DNM1: variants seen among roughly 807,000 people sequenced by gnomAD.
DNM1 encodes the protein dynamin-1.
DNM1 carries 29 observed loss-of-function variants against 104.6 expected under a neutral mutation model. The ratio of observed to expected loss-of-function variants is 0.28; its 90% CI spans 0.21 to 0.38. The LOEUF (loss-of-function observed/expected upper bound fraction) is 0.38. DNM1 is among the 10% of genes least tolerant of loss of function. The probability of loss-of-function intolerance (pLI) is 1.00; values close to 1 mark genes in which losing one functional copy is unlikely to be tolerated. For synonymous variants in DNM1, 445 were observed against 475.8 expected (o/e 0.94, Z 0.84); for missense variants, 640 against 1,189.4 (o/e 0.54, Z 6.79).
At chr9:128,233,846 G>T in intron 10 of DNM1, 175 bp from the exon 11 acceptor site, 1 of 607,138 alleles carries the variant, frequency 1.6e-6, no homozygotes, top group Non-Finnish European at 2.9e-6. Flanking sequence ...GGAAAGGGGT[G>T]GCCGTGGCTT....
In DNM1 at chr9:128,253,013, C is replaced by G; in HGVS notation, c.2535-1641C>G. 7.5e-7 allele frequency: 1 copy of G among 1,336,026 alleles called. No individual in the cohort carries two copies. Among genetic ancestry groups the G allele is most frequent in the Non-Finnish European group, 1.1e-6 (1 of 934,466 alleles). 82.8% of individuals were successfully genotyped at this position (1,336,026 alleles called of 1,614,324 possible). The stretch of plus-strand genomic sequence containing the variant: ...GCCTCACAGCATGTGTGTGCACGCC[C>G]GGGCGTGTGCGTGTGTGTGTCCCCC... On this transcript the variant is annotated intron_variant, in intron 21 of 21. Transcript: ENST00000372923. This position sits in a 1 kb window ranked among gnomAD's most constrained non-coding sequence, Gnocchi z 5.9.
Position 128,240,359 on chromosome 9 carries a change from A to T in DNM1, c.1557+363A>T. On this transcript the variant is annotated intron_variant, in intron 14 of 21. Coordinates refer to ENST00000372923, the MANE Select transcript of DNM1 (RefSeq NM_004408.4). This position sits in a 1 kb window ranked among gnomAD's most constrained non-coding sequence, Gnocchi z 5.1. ...CCATCGCCTCCGGACTTGAATGAAG[A>T]GACGAATGAGAAGTCAAGAGAAGTC... is the stretch of plus-strand genomic sequence containing the variant. 1 of 279,274 alleles carries T rather than the reference A, an allele frequency of 3.6e-6. No homozygotes were observed. 17.3% of individuals were successfully genotyped at this position (279,274 alleles called of 1,614,324 possible). A position where few individuals can be genotyped will look rare whatever the true frequency, so the allele number is the denominator to read the frequency against.
At chr9:128,207,337 C>T (rs1478592164) in intron 1 of DNM1, among the ~76,000 whole-genome samples, 1 of 151,862 alleles carries the variant, frequency 6.6e-6, no homozygotes, top group Non-Finnish European at 1.5e-5. Context: ...GGATTTAAAC[C>T]CGAGAGTAGA....
intron 10 of DNM1, among the ~76,000 whole-genome samples, chr9:128,233,230 G>T (rs74832521): frequency 6.6e-6 from 1 of 152,202 alleles, no homozygotes; most frequent in African/African-American, 2.4e-5. Context: ...GAGTGGGGTC[G>T]AGACAGTGTG....
intron 1 of DNM1, among the ~76,000 whole-genome samples, chr9:128,210,139 G>A (rs913995548): frequency 2.0e-5 from 3 of 151,344 alleles, no homozygotes; most frequent in South Asian, 2.1e-4. Context: ...TTGACCTCCC[G>A]GGCTCAAGCC....
Position 128,245,246 on chromosome 9 carries a change from T to C in DNM1, c.1672-1148T>C, listed in dbSNP as rs1280816320. On this transcript the variant is annotated intron_variant, in intron 15 of 21. Coordinates refer to ENST00000372923, the MANE Select transcript of DNM1 (RefSeq NM_004408.4). This position sits in a 1 kb window ranked among gnomAD's most constrained non-coding sequence, Gnocchi z 5.2. The stretch of plus-strand genomic sequence containing the variant: ...TGGCATAAAGAGGGCTTTATGTGGC[T>C]GCATGGGCCAGGGGGGCGTTGGGGG... Among the ~76,000 whole-genome samples, 1 of 150,108 alleles carries C rather than the reference T, an allele frequency of 6.7e-6. No homozygotes were observed. Among genetic ancestry groups the C allele is most frequent in the Admixed American group, 6.6e-5 (1 of 15,152 alleles).
Position 128,207,289 on chromosome 9 carries a change from C to G in DNM1, c.161+3658C>G, listed in dbSNP as rs558124662. Reference sequence around the variant, plus strand: ...GTTGAGAGCTCAGGGGGAAGACGGGCTGGAAGTAAAAATTTGGAAGTCGTT... The same window carrying G: ...GTTGAGAGCTCAGGGGGAAGACGGGGTGGAAGTAAAAATTTGGAAGTCGTT... On this transcript the variant is annotated intron_variant, in intron 1 of 21. Coordinates refer to ENST00000372923, the MANE Select transcript of DNM1 (RefSeq NM_004408.4). Among the ~76,000 whole-genome samples, 21 of 151,986 alleles carry G rather than the reference C, an allele frequency of 1.4e-4. No homozygotes were observed. In the East Asian group the frequency reaches 4.1e-3, roughly 29 times the overall value.
At chr9:128,231,194 C>CTTTTTT (rs72047067) in intron 10 of DNM1, among the ~76,000 whole-genome samples, 26 of 68,500 alleles carry the variant, frequency 3.8e-4, no homozygotes, top group South Asian at 1.4e-3. Flanking sequence ...ATACTTTTGC[C>CTTTTTT]TTTTTTTTTT....
At chr9:128,213,891 C>A (rs1834453249) in intron 1 of DNM1, among the ~76,000 whole-genome samples, 1 of 152,118 alleles carries the variant, frequency 6.6e-6, no homozygotes, top group African/African-American at 2.4e-5. Flanking sequence ...CAGACCTCAG[C>A]TTGAAATTCA....
chr9:128,237,877 C>T lies in DNM1; in HGVS notation c.1423-1568C>T, dbSNP rs559796549. Among the ~76,000 whole-genome samples the T allele has an allele frequency of 3.3e-5, 5 of 151,828 alleles. No individual in the cohort carries two copies. In the South Asian group the frequency reaches 1.0e-3, roughly 32 times the overall value. ...CAACCTCTGCATCCCTGGGCTCAAG[C>T]GATCCTCCCATCTTAGCTTCCCAAG... On this transcript the variant is annotated intron_variant, in intron 11 of 21. Coordinates refer to ENST00000372923, the MANE Select transcript of DNM1 (RefSeq NM_004408.4).
At chr9:128,242,467 A>G in intron 15 of DNM1, 122 bp downstream of exon 15, 1 of 602,174 alleles carries the variant, frequency 1.7e-6, no homozygotes, top group South Asian at 2.1e-5. Context: ...CTCGTCAAAG[A>G]TCCGTGGGCA....
chr9:128,252,735 C>G (rs573749343), intron 21 of DNM1: 1 of 543,274 alleles, frequency 1.8e-6, no homozygotes, highest in Non-Finnish European at 3.5e-6. Context: ...ATGAGCAGCA[C>G]GGGTGATCCT....
intron 13 of DNM1, 70 bp from the exon 14 acceptor site, chr9:128,239,915 C>T: frequency 6.2e-7 from 1 of 1,602,100 alleles, no homozygotes; most frequent in Non-Finnish European, 8.6e-7. Flanking sequence ...AAGCCTCCCA[C>T]TCTGCCTCAG....
intron 4 of DNM1, 127 bp from the exon 5 acceptor site, chr9:128,219,861 G>C (rs1834837230): frequency 3.1e-6 from 2 of 640,128 alleles, no homozygotes; most frequent in Non-Finnish European, 5.4e-6. Context: ...AAATGAATAA[G>C]GGGGAAAGAG....
intron 4 of DNM1, 116 bp downstream of exon 4, chr9:128,219,368 C>A: frequency 1.1e-6 from 1 of 938,508 alleles, no homozygotes; most frequent in Non-Finnish European, 1.6e-6. Context: ...AGATTTGTAC[C>A]TTTAAAAATC....
At chr9:128,241,171 C>A (rs1836341983) in intron 14 of DNM1, 1 of 152,274 alleles carries the variant, frequency 6.6e-6, no homozygotes, top group Non-Finnish European at 1.5e-5. Flanking sequence ...CAAGCCTGGC[C>A]CCAGAGGGCT....
At chr9:128,236,455 C>G (rs1836018097) in intron 11 of DNM1, among the ~76,000 whole-genome samples, 1 of 152,140 alleles carries the variant, frequency 6.6e-6, no homozygotes, top group Non-Finnish European at 1.5e-5. Context: ...ATCATAAATA[C>G]TCAATAAAAC....
At chr9:128,227,378 T>C (rs1835412093) in intron 10 of DNM1, among the ~76,000 whole-genome samples, 2 of 18,542 alleles carry the variant, frequency 1.1e-4, no homozygotes, top group African/African-American at 4.5e-4. Flanking sequence ...CTCATGCCTT[T>C]TTTTTTTTTT....
chr9:128,244,921 C>T (rs1261877106), intron 15 of DNM1: 10 of 358,568 alleles, frequency 2.8e-5, no homozygotes, highest in Non-Finnish European at 5.5e-5. Flanking sequence ...GCCTGTGTCC[C>T]CCTAGCCCCA....
Sources: gnomAD v4.1 joint callset for allele counts (sites outside exome capture counted in the v4.1 genomes callset) on GRCh38, gnomAD v4.1.1 for gene constraint, Gnocchi (gnomAD v3.1) non-coding constraint, MANE v1.5 for transcripts, NCBI Gene and HGNC (gene_info 2026-07-23, HGNC 2026-07-21) for gene names.